The following JMJD1C variants were observed in gnomAD, a reference collection of about 807,000 sequenced individuals.
The protein encoded by JMJD1C is jumonji domain containing 1C, also known as jumonji domain-containing protein 1C.
In JMJD1C, 31 loss-of-function variants were observed where a neutral mutation model predicts 245.3. That is an observed-to-expected ratio of 0.13 (90% CI 0.09 to 0.17). The LOEUF is 0.17. Among genes scored for constraint, JMJD1C ranks in the 10% least tolerant of loss-of-function variants. The pLI, the probability that JMJD1C is intolerant of heterozygous loss-of-function variation, is 1.00. For synonymous variants in JMJD1C, 1,057 were observed against 1,017.4 expected, an observed-to-expected ratio of 1.04 and a Z score of -0.74; for missense variants, 2,691 against 3,000.2, an observed-to-expected ratio of 0.90 and a Z score of 2.41.
intron 3 of JMJD1C, among the ~76,000 whole-genome samples, chr10:63,254,878 G>C (rs1439673823): frequency 1.3e-5 from 2 of 148,818 alleles, no homozygotes; most frequent in African/African-American, 2.5e-5. Flanking sequence ...TTATGAGATA[G>C]GGTCTCCCTC....
intron 3 of JMJD1C, among the ~76,000 whole-genome samples, chr10:63,230,775 C>CA (rs1321234586): frequency 1.3e-5 from 2 of 150,834 alleles, no homozygotes; most frequent in East Asian, 4.1e-4. Context: ...ACTGTCCCCC[C>CA]CCCCAAAAAA....
intron 1 of JMJD1C, among the ~76,000 whole-genome samples, chr10:63,463,424 C>G (rs1314545316): frequency 6.6e-6 from 1 of 152,178 alleles, no homozygotes; most frequent in African/African-American, 2.4e-5. Context: ...ATCTCAGTCT[C>G]CCAAAGTGTT....
intron 9 of JMJD1C, 125 bp downstream of exon 9, chr10:63,208,938 A>C: frequency 1.8e-6 from 2 of 1,087,204 alleles, no homozygotes; most frequent in Admixed American, 5.3e-5. Context: ...AAATTTGAAG[A>C]AATATCAAAA....
Position 63,392,867 on chromosome 10 carries a change from A to AACACACACACAAACACACACACAC in JMJD1C, c.169-12386_169-12385insGTGTGTGTGTGTTTGTGTGTGTGT, listed in dbSNP as rs374404040. Reference sequence around the variant, plus strand: ...AAAAAGGTGGGCAAAAAAGTACATAAACACACACACACACACACACACACA... The same window carrying AACACACACACAAACACACACACAC: ...AAAAAGGTGGGCAAAAAAGTACATAAACACACACACAAACACACACACACACACACACACACACACACACACACA... On this transcript the variant is annotated intron_variant, in intron 1 of 25. Transcript: ENST00000399262. Among the ~76,000 whole-genome samples, 28 of 112,284 alleles carry AACACACACACAAACACACACACAC rather than the reference A, an allele frequency of 2.5e-4. No homozygotes were observed. In the East Asian group the frequency reaches 3.8e-3, roughly 15 times the overall value. 73.7% of individuals were successfully genotyped at this position (112,284 alleles called of 152,430 possible).
At chr10:63,246,943 C>G (rs996997162) in intron 3 of JMJD1C, among the ~76,000 whole-genome samples, 8 of 150,838 alleles carry the variant, frequency 5.3e-5, no homozygotes, top group African/African-American at 1.9e-4. Context: ...AAAAGCGATA[C>G]TAAGAGGAAA....
At chr10:63,289,899 G>A (rs1858434714) in intron 2 of JMJD1C, among the ~76,000 whole-genome samples, 1 of 151,848 alleles carries the variant, frequency 6.6e-6, no homozygotes, top group African/African-American at 2.4e-5. Flanking sequence ...CAAGATGACT[G>A]TACCCATGTT....
At chr10:63,366,997 T>A (rs550083738) in intron 2 of JMJD1C, among the ~76,000 whole-genome samples, 1 of 152,170 alleles carries the variant, frequency 6.6e-6, no homozygotes, top group African/African-American at 2.4e-5. Flanking sequence ...CTTACCAAAA[T>A]AACAGGCAAT....
intron 3 of JMJD1C, among the ~76,000 whole-genome samples, chr10:63,264,266 T>C (rs181747048): frequency 2.0e-5 from 3 of 152,246 alleles, no homozygotes; most frequent in African/African-American, 7.2e-5. Context: ...GCTAAACTGA[T>C]AGGTATACAT....
intron 3 of JMJD1C, among the ~76,000 whole-genome samples, chr10:63,221,422 T>G (rs891451471): frequency 6.6e-6 from 1 of 152,216 alleles, no homozygotes; most frequent in African/African-American, 2.4e-5. Flanking sequence ...CAGGCCAAAG[T>G]AAGGGCCTTT....
chr10:63,288,785 A>G (rs890823819), intron 2 of JMJD1C, among the ~76,000 whole-genome samples: 4 of 151,942 alleles, frequency 2.6e-5, no homozygotes, highest in Admixed American at 1.3e-4. Context: ...AGGCTGAGGC[A>G]TAAGAATTGC....
chr10:63,361,741 A>G (rs1945360270), intron 2 of JMJD1C, among the ~76,000 whole-genome samples: 2 of 150,000 alleles, frequency 1.3e-5, no homozygotes, highest in East Asian at 1.9e-4. Context: ...AAAAAAAAAA[A>G]AAAAAAGAAA....
chr10:63,463,622 A>G (rs749342920), intron 1 of JMJD1C, among the ~76,000 whole-genome samples: 20 of 152,246 alleles, frequency 1.3e-4, no homozygotes, highest in Non-Finnish European at 2.2e-4. Context: ...AGGCTAAAAA[A>G]ACTAAATTAA....
At chr10:63,376,181 T>C (rs1047658839) in intron 2 of JMJD1C, among the ~76,000 whole-genome samples, 6 of 152,272 alleles carry the variant, frequency 3.9e-5, no homozygotes, top group Admixed American at 3.9e-4. Flanking sequence ...GACCATTCAC[T>C]GGGGCAAAGG....
chr10:63,374,920 G>T (rs181671120), intron 2 of JMJD1C, among the ~76,000 whole-genome samples: 1 of 152,242 alleles, frequency 6.6e-6, no homozygotes, highest in African/African-American at 2.4e-5. Flanking sequence ...GCTTTGTTGT[G>T]AAGTCTTTAT....
intron 2 of JMJD1C, among the ~76,000 whole-genome samples, chr10:63,334,053 C>A (rs1465306069): frequency 6.6e-6 from 1 of 152,104 alleles, no homozygotes; most frequent in East Asian, 1.9e-4. Flanking sequence ...TCCTAAATAA[C>A]CTTCAGAGAC....
chr10:63,380,498 C>G lies in JMJD1C; in HGVS notation c.169-16G>C, dbSNP rs762394063. The G allele has an allele frequency of 1.3e-6, 2 of 1,593,478 alleles. No homozygotes were observed. Among genetic ancestry groups the G allele is most frequent in the Non-Finnish European group, 1.7e-6 (2 of 1,170,886 alleles). ...CCACATACACCTATGAAAACAAAAA[C>G]ACAAAATTCAATTAGCAAAATAGAA... On this transcript the variant is annotated splice_polypyrimidine_tract_variant and intron_variant, in intron 1 of 25. Coordinates refer to ENST00000399262, the MANE Select transcript of JMJD1C (RefSeq NM_032776.3).
At chr10:63,204,210 T>C (rs937754623) in intron 10 of JMJD1C, 2 of 985,372 alleles carry the variant, frequency 2.0e-6, no homozygotes, top group South Asian at 9.4e-5. Context: ...AGATGACATC[T>C]AATATTGACT....
intron 4 of JMJD1C, among the ~76,000 whole-genome samples, chr10:63,218,868 G>C (rs934724328): frequency 6.6e-6 from 1 of 151,978 alleles, no homozygotes; most frequent in Non-Finnish European, 1.5e-5. Context: ...TAAAATCTTC[G>C]ACGTTTATAA....
At chr10:63,499,008 C>T (rs997335894) in intron 1 of JMJD1C, among the ~76,000 whole-genome samples, 1 of 152,182 alleles carries the variant, frequency 6.6e-6, no homozygotes, top group African/African-American at 2.4e-5. Context: ...ATTTCACTGA[C>T]ACAGTGTCCT....
Sources: allele counts gnomAD v4.1 joint callset (sites outside exome capture counted in the v4.1 genomes callset), GRCh38; gene constraint gnomAD v4.1.1; transcripts MANE v1.5; gene names NCBI Gene and HGNC (gene_info 2026-07-23, HGNC 2026-07-21).